SLC22A23: variants seen among roughly 807,000 people sequenced by gnomAD.
SLC22A23 encodes the protein solute carrier family 22 member 23, also known as ion transporter protein.
A neutral mutation model predicts 61.0 loss-of-function variants in SLC22A23; 26 were observed. That is an observed-to-expected ratio of 0.43 (90% CI 0.31 to 0.59). The LOEUF (loss-of-function observed/expected upper bound fraction) is 0.59, where lower values mean the gene tolerates loss of function less well. Among genes scored for constraint, SLC22A23 ranks in the 20% least tolerant of loss-of-function variants. The pLI is 0.11. For synonymous variants in SLC22A23, 430 were observed against 413.9 expected (o/e 1.04, Z -0.47); for missense variants, 796 against 934.7 (o/e 0.85, Z 1.94).
intron 4 of SLC22A23, among the ~76,000 whole-genome samples, chr6:3,321,413 CAT>C (rs1441612844): frequency 3.9e-5 from 6 of 152,324 alleles, no homozygotes; most frequent in African/African-American, 1.4e-4. Context: ...CATGCACACA[CAT>C]GCACACACGT....
intron 5 of SLC22A23, among the ~76,000 whole-genome samples, chr6:3,293,859 G>A (rs2127345583): frequency 6.6e-6 from 1 of 152,318 alleles, no homozygotes; most frequent in African/African-American, 2.4e-5. Flanking sequence ...CATTGCTAGG[G>A]GTAGTAGGGA....
At chr6:3,300,960 G>C (rs1406176117) in intron 4 of SLC22A23, among the ~76,000 whole-genome samples, 1 of 149,108 alleles carries the variant, frequency 6.7e-6, no homozygotes, top group Non-Finnish European at 1.5e-5. Flanking sequence ...CATCTCACAT[G>C]GAAGTCCCAA....
At chr6:3,331,214 TC>T (rs1411300241) in intron 3 of SLC22A23, among the ~76,000 whole-genome samples, 1 of 152,174 alleles carries the variant, frequency 6.6e-6, no homozygotes, top group Non-Finnish European at 1.5e-5. Flanking sequence ...ACCCCATATC[TC>T]TGCTGCAGGC....
intron 1 of SLC22A23, among the ~76,000 whole-genome samples, chr6:3,420,499 T>C (rs6938174): frequency 0.53 from 80,159 of 151,784 alleles, 21,627 homozygotes; most frequent in South Asian, 0.76. Flanking sequence ...TGGAAGCAAA[T>C]AGATTGCTTC....
chr6:3,286,966 C>T lies in SLC22A23; in HGVS notation c.1439G>A (p.Cys480Tyr), dbSNP rs200186759. The change falls in exon 7 of 10, where the codon TGC becomes TAC. Residue 480 changes from cysteine to tyrosine, a missense_variant. Coordinates refer to ENST00000406686, the MANE Select transcript of SLC22A23 (RefSeq NM_015482.2). The surrounding 1 kb of genome is among the most constrained non-coding windows in gnomAD (Gnocchi z 4.2). Reference sequence around the variant, plus strand: ...TCGGACCACCACGCACATGGCCAGGCAGGACACCAGCGCGATGCTGGCCGT... The same window carrying T: ...TCGGACCACCACGCACATGGCCAGGTAGGACACCAGCGCGATGCTGGCCGT... Reference protein sequence around the residue: ...YTTASIALVSCLAMCVVVRFL... With the variant: ...YTTASIALVSYLAMCVVVRFL... The T allele has an allele frequency of 6.2e-7, 1 of 1,614,102 alleles. No homozygotes were observed. Among genetic ancestry groups the T allele is most frequent in the East Asian group, 2.2e-5 (1 of 44,888 alleles).
rs1331683053 is a variant in SLC22A23 at position 3,372,395 on chromosome 6, G to A, written c.913+37793C>T. 2.6e-5 allele frequency among the ~76,000 whole-genome samples: 4 copies of A among 152,248 alleles called. No homozygotes were observed. The highest frequency in any genetic ancestry group is 7.2e-5 in the African/African-American group (3 of 41,466). ...CAGGCTCCTCCTGCTGGCTGTGCTGGGAAGGGGGGATGGGCGTGGCTGCTG... is the reference window on the plus strand; with the variant it reads ...CAGGCTCCTCCTGCTGGCTGTGCTGAGAAGGGGGGATGGGCGTGGCTGCTG... On this transcript the variant is annotated intron_variant, in intron 3 of 9. Coordinates refer to ENST00000406686, the MANE Select transcript of SLC22A23 (RefSeq NM_015482.2). This position sits in a 1 kb window ranked among gnomAD's most constrained non-coding sequence, Gnocchi z 4.7.
Position 3,327,343 on chromosome 6 carries a change from T to G in SLC22A23, c.914-3341A>C, listed in dbSNP as rs111233222. 6.6e-6 allele frequency among the ~76,000 whole-genome samples: 1 copy of G among 152,194 alleles called. No individual in the cohort carries two copies. Among genetic ancestry groups the G allele is most frequent in the Non-Finnish European group, 1.5e-5 (1 of 68,032 alleles). On this transcript the variant is annotated intron_variant, in intron 3 of 9. Coordinates refer to ENST00000406686, the MANE Select transcript of SLC22A23 (RefSeq NM_015482.2). The surrounding 1 kb of genome is among the most constrained non-coding windows in gnomAD (Gnocchi z 4.1). Reference sequence around the variant, plus strand: ...AGCTGTGTCCCGGTACTTACTAGAATCAATTTCTTTGCCAATGGAACCAAA... The same window carrying G: ...AGCTGTGTCCCGGTACTTACTAGAAGCAATTTCTTTGCCAATGGAACCAAA...
At chr6:3,366,687 C>A (rs1765860466) in intron 3 of SLC22A23, among the ~76,000 whole-genome samples, 1 of 152,154 alleles carries the variant, frequency 6.6e-6, no homozygotes, top group Admixed American at 6.5e-5. Flanking sequence ...ACTTCACAGA[C>A]CACTCTCATA....
Position 3,273,293 on chromosome 6 carries a change from G to A in SLC22A23, c.1823C>T (p.Thr608Met). ...FLHHIIFACCTLICIICILLL... is the reference protein window; with the variant it reads ...FLHHIIFACCMLICIICILLL... ...GAGGATGCAGATGATGCAGATGAGCGTGCAGCAGGCAAAGATGATGTGGTG... is the reference window on the plus strand; with the variant it reads ...GAGGATGCAGATGATGCAGATGAGCATGCAGCAGGCAAAGATGATGTGGTG... Residue 608 changes from threonine (T) to methionine (M), a missense_variant, in exon 10 of 10, where the codon ACG becomes ATG. Thr to Met is a moderately conservative substitution (Grantham distance 81). Transcript: ENST00000406686. 7.4e-6 allele frequency: 12 copies of A among 1,614,028 alleles called. No individual in the cohort carries two copies. Among genetic ancestry groups the A allele is most frequent in the South Asian group, 1.1e-5 (1 of 91,076 alleles).
rs1759721677 is a variant in SLC22A23, at chr6:3,283,918, A to C, written c.1637T>G (p.Phe546Cys). Residue 546 changes from phenylalanine (F) to cysteine (C), a missense_variant, in exon 9 of 10, where the codon TTT becomes TGT. Physicochemically the swap from Phe to Cys is radical, Grantham distance 205. Coordinates refer to ENST00000406686, the MANE Select transcript of SLC22A23 (RefSeq NM_015482.2). ...GAGGCTCCCCACCGCATGGGAGGCAAACATGCCCACGATGGAAAACGCGAT... is the reference window on the plus strand; with the variant it reads ...GAGGCTCCCCACCGCATGGGAGGCACACATGCCCACGATGGAAAACGCGAT... Reference protein sequence around the residue: ...FSIAFSIVGMFASHAVGSLSV... With the variant: ...FSIAFSIVGMCASHAVGSLSV... The C allele has an allele frequency of 6.2e-7, 1 of 1,610,896 alleles. No individual in the cohort carries two copies. The highest frequency in any genetic ancestry group is 1.3e-5 in the African/African-American group (1 of 74,910).
intron 1 of SLC22A23, among the ~76,000 whole-genome samples, chr6:3,435,566 T>G (rs1328400203): frequency 6.6e-6 from 1 of 152,130 alleles, no homozygotes; most frequent in Non-Finnish European, 1.5e-5. Flanking sequence ...TGCCCTCACT[T>G]GCACATCTGA....
chr6:3,325,843 G>T (rs1763248679), intron 3 of SLC22A23, among the ~76,000 whole-genome samples: 1 of 152,226 alleles, frequency 6.6e-6, no homozygotes, highest in South Asian at 2.1e-4. Flanking sequence ...TCAGCACTTG[G>T]CCATCCAGGT....
At chr6:3,449,176 G>C (rs927308474) in intron 1 of SLC22A23, among the ~76,000 whole-genome samples, 4 of 152,118 alleles carry the variant, frequency 2.6e-5, no homozygotes, top group Non-Finnish European at 5.9e-5. Context: ...AGCAAAACAG[G>C]TATCTCCAAC....
intron 3 of SLC22A23, among the ~76,000 whole-genome samples, chr6:3,405,264 A>AT (rs371680502): frequency 0.014 from 2,047 of 151,322 alleles, 38 homozygotes; most frequent in African/African-American, 0.041. Flanking sequence ...GTCTCAAAAA[A>AT]TTTAAAAAAA....
intron 1 of SLC22A23, among the ~76,000 whole-genome samples, chr6:3,444,237 G>C (rs1036553953): frequency 2.0e-5 from 3 of 152,150 alleles, no homozygotes; most frequent in Admixed American, 6.5e-5. Context: ...AATCACTTGT[G>C]TGGAGGGAGA....
rs909782383 is a variant in SLC22A23, at chr6:3,390,618, A to G, written c.913+19570T>C. On this transcript the variant is annotated intron_variant, in intron 3 of 9. Coordinates refer to ENST00000406686, the MANE Select transcript of SLC22A23 (RefSeq NM_015482.2). This position sits in a 1 kb window ranked among gnomAD's most constrained non-coding sequence, Gnocchi z 4.0. ...GTTACCTAAGAATAACCTAATGCAGAGATGTACACACTGGGGCCACTATGG... is the reference window on the plus strand; with the variant it reads ...GTTACCTAAGAATAACCTAATGCAGGGATGTACACACTGGGGCCACTATGG... Among the ~76,000 whole-genome samples, 4 of 152,202 alleles carry G rather than the reference A, an allele frequency of 2.6e-5. No homozygotes were observed. Among genetic ancestry groups the G allele is most frequent in the African/African-American group, 4.8e-5 (2 of 41,442 alleles).
rs1277107166 is a variant in SLC22A23 at position 3,317,971 on chromosome 6, T to C, written c.1082+5863A>G. ...CGTGCAATGACATCGCTCGCCTATC[T>C]TGGCTCCACTTGCTGGAGCATAAAT... On this transcript the variant is annotated intron_variant, in intron 4 of 9. Coordinates refer to ENST00000406686, the MANE Select transcript of SLC22A23 (RefSeq NM_015482.2). This position sits in a 1 kb window ranked among gnomAD's most constrained non-coding sequence, Gnocchi z 4.4. 1.3e-5 allele frequency among the ~76,000 whole-genome samples: 2 copies of C among 152,170 alleles called. No individual in the cohort carries two copies. The highest frequency in any genetic ancestry group is 6.5e-5 in the Admixed American group (1 of 15,270).
At position 3,410,148 on chromosome 6, in the gene SLC22A23, C is replaced by T; in HGVS notation, c.913+40G>A. On this transcript the variant is annotated intron_variant, in intron 3 of 9. Transcript: ENST00000406686. The surrounding 1 kb of genome is among the most constrained non-coding windows in gnomAD (Gnocchi z 5.0). ...AACCTCCCAGGCAACAATACTTTTG[C>T]TAAATTCTTTCAAGACTAGTCGTGA... is the stretch of plus-strand genomic sequence containing the variant. 2 of 1,574,340 alleles carry T rather than the reference C, an allele frequency of 1.3e-6. No individual in the cohort carries two copies. The highest frequency in any genetic ancestry group is 1.7e-6 in the Non-Finnish European group (2 of 1,160,360).
intron 3 of SLC22A23, among the ~76,000 whole-genome samples, chr6:3,402,505 CA>C (rs1410571651): frequency 2.9e-5 from 4 of 139,362 alleles, no homozygotes; most frequent in Non-Finnish European, 4.8e-5. Flanking sequence ...AGGCCCCAGC[CA>C]ACCCCAATCA....
Sources: allele counts gnomAD v4.1 joint callset (sites outside exome capture counted in the v4.1 genomes callset), GRCh38; gene constraint gnomAD v4.1.1; non-coding constraint Gnocchi (gnomAD v3.1); transcripts MANE v1.5; gene names NCBI Gene and HGNC (gene_info 2026-07-23, HGNC 2026-07-21).